The following CYP19A1 variants were observed in gnomAD, a reference collection of about 807,000 sequenced individuals.
CYP19A1 encodes the protein aromatase.
CYP19A1 carries 32 observed loss-of-function variants against 44.4 expected under a neutral mutation model. The ratio of observed to expected loss-of-function variants is 0.72; its 90% CI spans 0.54 to 0.97. The LOEUF is 0.97. Ranked by LOEUF, CYP19A1 falls within the 50% of genes least tolerant of loss-of-function variation. CYP19A1 has a pLI of 0.00. For synonymous variants in CYP19A1, 212 were observed against 215.6 expected (o/e 0.98, Z 0.14); for missense variants, 598 against 637.8 (o/e 0.94, Z 0.67).
At chr15:51,324,103 C>T (rs747802140) in intron 1 of CYP19A1, among the ~76,000 whole-genome samples, 1 of 152,154 alleles carries the variant, frequency 6.6e-6, no homozygotes, top group Non-Finnish European at 1.5e-5. Context: ...TACCCAAAGA[C>T]TGGGCAGTGT....
chr15:51,264,275 C>T (rs1218203287), intron 1 of CYP19A1, among the ~76,000 whole-genome samples: 2 of 152,018 alleles, frequency 1.3e-5, no homozygotes, highest in Admixed American at 6.5e-5. Flanking sequence ...GGTGAAAGGG[C>T]AAATAACATC....
intron 1 of CYP19A1, among the ~76,000 whole-genome samples, chr15:51,260,234 A>G (rs562562095): frequency 2.9e-4 from 44 of 152,320 alleles, no homozygotes; most frequent in African/African-American, 1.0e-3. Context: ...TCCCAGAAAT[A>G]CTGGTCCTAA....
chr15:51,328,631 G>A (rs1045287651), intron 1 of CYP19A1, among the ~76,000 whole-genome samples: 1 of 151,988 alleles, frequency 6.6e-6, no homozygotes, highest in Non-Finnish European at 1.5e-5. Flanking sequence ...CTGGAGTTGA[G>A]AGTCATCTGA....
At chr15:51,318,508 G>C (rs761662420) in intron 1 of CYP19A1, 1 of 152,286 alleles carries the variant, frequency 6.6e-6, no homozygotes, top group African/African-American at 2.4e-5. Flanking sequence ...GGAGCCAGGA[G>C]CCAGTTTCCC....
At chr15:51,272,207 G>T (rs567572713) in intron 1 of CYP19A1, among the ~76,000 whole-genome samples, 1 of 151,924 alleles carries the variant, frequency 6.6e-6, no homozygotes, top group Non-Finnish European at 1.5e-5. Context: ...TCCTATCCTC[G>T]TATTTCTTCT....
chr15:51,216,012 C>T (rs2031539457), intron 6 of CYP19A1, 195 bp from the exon 7 acceptor site: 1 of 1,120,462 alleles, frequency 8.9e-7, no homozygotes, highest in Admixed American at 2.9e-5. Context: ...TGTTAAGGTG[C>T]CAGAGTTAGC....
intron 4 of CYP19A1, among the ~76,000 whole-genome samples, chr15:51,227,056 CA>C (rs1160562893): frequency 6.6e-6 from 1 of 152,122 alleles, no homozygotes; most frequent in African/African-American, 2.4e-5. Flanking sequence ...ATATGGGTGA[CA>C]TGCTAAATTC....
chr15:51,235,667 A>T (rs190255703), intron 3 of CYP19A1, among the ~76,000 whole-genome samples: 13 of 152,336 alleles, frequency 8.5e-5, no homozygotes, highest in African/African-American at 2.9e-4. Context: ...CCTTCTTTCA[A>T]TATCTGCTTC....
chr15:51,267,453 G>A (rs2034963734), intron 1 of CYP19A1, among the ~76,000 whole-genome samples: 2 of 152,202 alleles, frequency 1.3e-5, no homozygotes, highest in South Asian at 4.1e-4. Flanking sequence ...GCACAGGGAC[G>A]CTGGCGGGCC....
At chr15:51,249,720 A>C (rs2034227038) in intron 1 of CYP19A1, among the ~76,000 whole-genome samples, 1 of 152,208 alleles carries the variant, frequency 6.6e-6, no homozygotes, top group African/African-American at 2.4e-5. Context: ...AAGGAGACAC[A>C]GAGTATCAGG....
intron 1 of CYP19A1, among the ~76,000 whole-genome samples, chr15:51,281,691 C>G (rs1383148310): frequency 1.3e-5 from 2 of 151,878 alleles, no homozygotes; most frequent in African/African-American, 4.8e-5. Flanking sequence ...AAGTTTGAAT[C>G]TGAAGTAGAG....
At chr15:51,289,717 G>A (rs558877029) in intron 1 of CYP19A1, among the ~76,000 whole-genome samples, 13 of 152,262 alleles carry the variant, frequency 8.5e-5, no homozygotes, top group South Asian at 6.2e-4. Flanking sequence ...AGCTATTTGC[G>A]TTTGAAGCCT....
chr15:51,288,964 T>A (rs2035777824), intron 1 of CYP19A1, among the ~76,000 whole-genome samples: 1 of 152,226 alleles, frequency 6.6e-6, no homozygotes, highest in Non-Finnish European at 1.5e-5. Flanking sequence ...GCAACATAAC[T>A]GCATTCTGAC....
chr15:51,217,318 C>G (rs2031671171), intron 6 of CYP19A1, among the ~76,000 whole-genome samples: 1 of 152,202 alleles, frequency 6.6e-6, no homozygotes, highest in African/African-American at 2.4e-5. Flanking sequence ...GTCCAATGGC[C>G]AAGACCAAGG....
chr15:51,233,035 G>C (rs769036323), intron 3 of CYP19A1, among the ~76,000 whole-genome samples: 23 of 152,196 alleles, frequency 1.5e-4, no homozygotes, highest in Non-Finnish European at 2.8e-4. Flanking sequence ...GGCACTTGCT[G>C]TTCCTTCTGT....
chr15:51,304,718 A>G (rs1375403899), intron 1 of CYP19A1, among the ~76,000 whole-genome samples: 1 of 152,126 alleles, frequency 6.6e-6, no homozygotes, highest in Non-Finnish European at 1.5e-5. Flanking sequence ...ATTCCCAGTG[A>G]CTTGACCATG....
At chr15:51,236,155 T>C (rs1383053912) in intron 3 of CYP19A1, among the ~76,000 whole-genome samples, 1 of 152,248 alleles carries the variant, frequency 6.6e-6, no homozygotes. Context: ...CTGATTTATG[T>C]AAGATCACTC....
chr15:51,320,837 C>G (rs2036514804), intron 1 of CYP19A1: 1 of 152,226 alleles, frequency 6.6e-6, no homozygotes, highest in Non-Finnish European at 1.5e-5. Flanking sequence ...TTCAACCCAG[C>G]ATATTCTAAA....
chr15:51,256,821 C>T lies in CYP19A1; in HGVS notation c.-38-13871G>A, dbSNP rs563135897. On this transcript the variant is annotated intron_variant, in intron 1 of 9. Transcript: ENST00000396402. ...AGAATCATATCCTTCAAAAACAAAG[C>T]GATCATACCCTTCAAAAAACAAAGC... is the stretch of plus-strand genomic sequence containing the variant. 8.5e-5 allele frequency among the ~76,000 whole-genome samples: 13 copies of T among 152,168 alleles called. No individual in the cohort carries two copies. In the East Asian group the frequency reaches 1.7e-3, roughly 20 times the overall value.
Sources: allele counts gnomAD v4.1 joint callset (sites outside exome capture counted in the v4.1 genomes callset), GRCh38; gene constraint gnomAD v4.1.1; transcripts MANE v1.5; gene names NCBI Gene and HGNC (gene_info 2026-07-23, HGNC 2026-07-21).